Variants in MEGF10 observed in about 807,000 individuals in gnomAD.
The protein encoded by MEGF10 is multiple epidermal growth factor-like domains protein 10.
Under a neutral mutation model 147.5 loss-of-function variants are expected in MEGF10, and 86 were observed. The ratio of observed to expected loss-of-function variants is 0.58; its 90% CI spans 0.49 to 0.70. MEGF10 has a LOEUF of 0.70. Ranked by LOEUF, MEGF10 falls within the 30% of genes least tolerant of loss-of-function variation. The pLI is 0.00. For synonymous variants in MEGF10, 478 were observed against 525.5 expected (o/e 0.91, Z 1.24); for missense variants, 1,329 against 1,487.3 (o/e 0.89, Z 1.75).
At chr5:127,309,534 C>A (rs527783417) in intron 1 of MEGF10, among the ~76,000 whole-genome samples, 1 of 152,316 alleles carries the variant, frequency 6.6e-6, no homozygotes, top group South Asian at 2.1e-4. Flanking sequence ...TAAATGGAAT[C>A]AGACAGTATT....
chr5:127,354,099 A>G lies in MEGF10; in HGVS notation c.319+13469A>G, dbSNP rs563174307. ...GCTGATTTTTAACTTGGCCAACTTC[A>G]TGTAAAACTGAACCGGCTGTGGGCA... On this transcript the variant is annotated intron_variant, in intron 4 of 24. Coordinates refer to ENST00000503335, the MANE Select transcript of MEGF10 (RefSeq NM_001256545.2). Among the ~76,000 whole-genome samples, 5 of 152,370 alleles carry G rather than the reference A, an allele frequency of 3.3e-5. No homozygotes were observed. The East Asian group carries it at 9.6e-4, about 29-fold the overall frequency.
At chr5:127,230,264 C>G in the MEGF10 span, among the ~76,000 whole-genome samples, 1 of 152,156 alleles carries the variant, frequency 6.6e-6, no homozygotes, top group African/African-American at 2.4e-5. Flanking sequence ...CTTCCTAGCC[C>G]CATTGATCAG....
chr5:127,335,294 C>A lies in MEGF10; in HGVS notation c.117-3826C>A, dbSNP rs1302084927. On this transcript the variant is annotated intron_variant, in intron 2 of 24. Transcript: ENST00000503335. ...TGTTACTGCTGACGCTATATGGAAG[C>A]TCAGTGTTGCTCATTGTCAATGAAA... Among the ~76,000 whole-genome samples the A allele has an allele frequency of 3.9e-5, 6 of 152,104 alleles. No individual in the cohort carries two copies. In the South Asian group the frequency reaches 6.2e-4, roughly 16 times the overall value.
intron 4 of MEGF10, among the ~76,000 whole-genome samples, chr5:127,343,892 G>A: frequency 6.6e-6 from 1 of 152,162 alleles, no homozygotes; most frequent in Non-Finnish European, 1.5e-5. Context: ...TGGCCTCCAG[G>A]AGCCAGGCTC....
chr5:127,367,989 C>T (rs969607775), intron 4 of MEGF10, among the ~76,000 whole-genome samples: 7 of 152,150 alleles, frequency 4.6e-5, no homozygotes, highest in Non-Finnish European at 8.8e-5. Context: ...GTTGAACTTC[C>T]CACACTCAAG....
intron 9 of MEGF10, 44 bp from the exon 10 acceptor site, chr5:127,417,594 T>A: frequency 6.2e-7 from 1 of 1,602,922 alleles, no homozygotes; most frequent in Non-Finnish European, 8.5e-7. Context: ...TTGGGTGTCA[T>A]GTTTACCCCA....
chr5:127,258,698 A>T, the MEGF10 span, among the ~76,000 whole-genome samples: 1 of 152,142 alleles, frequency 6.6e-6, no homozygotes, highest in Non-Finnish European at 1.5e-5. Context: ...GAACGGACTA[A>T]TGCTGTAATT....
Position 127,457,221 on chromosome 5 carries a change from G to T in MEGF10, c.3326G>T (p.Cys1109Phe). The change falls in exon 25 of 25, where the codon TGT becomes TTT. Residue 1109 changes from cysteine to phenylalanine, a missense_variant. By Grantham distance (205) the Cys-to-Phe change is radical. Coordinates refer to ENST00000503335, the MANE Select transcript of MEGF10 (RefSeq NM_001256545.2). ...YDLPKNSHIPCHYDLLPVRDS... is the reference protein window; with the variant it reads ...YDLPKNSHIPFHYDLLPVRDS... ...CTCCCAAAGAACAGTCACATCCCTT[G>T]TCATTATGACCTGCTGCCAGTCCGA... The T allele has an allele frequency of 1.2e-6, 2 of 1,614,118 alleles. No individual in the cohort carries two copies. The highest frequency in any genetic ancestry group is 1.7e-6 in the Non-Finnish European group (2 of 1,180,000).
intron 5 of MEGF10, among the ~76,000 whole-genome samples, chr5:127,370,283 G>T (rs780477731): frequency 6.6e-6 from 1 of 152,144 alleles, no homozygotes; most frequent in African/African-American, 2.4e-5. Flanking sequence ...CTAGAGTAGG[G>T]TCCACAATTT....
intron 13 of MEGF10, among the ~76,000 whole-genome samples, chr5:127,430,303 A>G (rs1472950565): frequency 2.0e-5 from 3 of 152,194 alleles, no homozygotes; most frequent in South Asian, 4.1e-4. Context: ...GTTTTGTAGG[A>G]CCCTAGCAAA....
chr5:127,359,794 T>C (rs1015797207), intron 4 of MEGF10, among the ~76,000 whole-genome samples: 4 of 152,162 alleles, frequency 2.6e-5, no homozygotes, highest in African/African-American at 9.6e-5. Context: ...CATTTGGATT[T>C]TTTCCAGTTT....
chr5:127,421,145 T>C (rs950450888), intron 12 of MEGF10, among the ~76,000 whole-genome samples: 2 of 152,218 alleles, frequency 1.3e-5, no homozygotes, highest in Admixed American at 6.5e-5. Context: ...GGAGATGAGC[T>C]TGAAGATCAC....
chr5:127,250,404 A>T, the MEGF10 span, among the ~76,000 whole-genome samples: 1 of 151,916 alleles, frequency 6.6e-6, no homozygotes, highest in East Asian at 1.9e-4. Flanking sequence ...AAAAAAATTT[A>T]TGACATTTCA....
At chr5:127,409,578 T>C (rs1361643698) in intron 8 of MEGF10, 1 of 152,306 alleles carries the variant, frequency 6.6e-6, no homozygotes, top group East Asian at 1.9e-4. Context: ...TCATTCGTCT[T>C]ACCTAGAGCA....
intron 4 of MEGF10, among the ~76,000 whole-genome samples, chr5:127,359,368 C>T (rs1580759872): frequency 6.6e-6 from 1 of 151,466 alleles, no homozygotes; most frequent in Non-Finnish European, 1.5e-5. Flanking sequence ...GTTGTTTAAA[C>T]AGCTTCATGG....
the MEGF10 span, among the ~76,000 whole-genome samples, chr5:127,247,375 A>AG: frequency 7.1e-5 from 1 of 14,064 alleles, no homozygotes; most frequent in African/African-American, 3.2e-4. Context: ...GAAGAAGAAG[A>AG]AGAAGAAGAA....
intron 22 of MEGF10, among the ~76,000 whole-genome samples, chr5:127,451,202 T>C (rs78578074): frequency 0.013 from 1,961 of 152,332 alleles, 47 homozygotes; most frequent in African/African-American, 0.045. Flanking sequence ...GATTTCAAAG[T>C]TGATCTTCTG....
intron 4 of MEGF10, among the ~76,000 whole-genome samples, chr5:127,359,629 A>G (rs1300576338): frequency 3.9e-5 from 6 of 152,122 alleles, no homozygotes; most frequent in Non-Finnish European, 4.4e-5. Context: ...GGACTCATAG[A>G]GTATTCTCGC....
At chr5:127,285,813 A>G (rs2068875958), upstream of MEGF10, among the ~76,000 whole-genome samples, 1 of 152,154 alleles carries the variant, frequency 6.6e-6, no homozygotes, top group Non-Finnish European at 1.5e-5. Context: ...ACTACTGGGT[A>G]TTTAATCAAA....
Sources: allele counts gnomAD v4.1 joint callset (sites outside exome capture counted in the v4.1 genomes callset), GRCh38; gene constraint gnomAD v4.1.1; transcripts MANE v1.5; gene names NCBI Gene and HGNC (gene_info 2026-07-23, HGNC 2026-07-21).